OPHN1: variants seen among roughly 807,000 people sequenced by gnomAD.
The protein encoded by OPHN1 is oligophrenin 1.
OPHN1 carries 11 observed loss-of-function variants against 60.7 expected under a neutral mutation model. The observed-to-expected ratio is 0.18, with a 90% CI of 0.11 to 0.30. The LOEUF (loss-of-function observed/expected upper bound fraction) is 0.30. OPHN1 is among the 10% of genes least tolerant of loss of function. The pLI, the probability that OPHN1 is intolerant of heterozygous loss-of-function variation, is 1.00. For missense variants in OPHN1, 449 were observed against 611.0 expected (o/e 0.73, Z 2.80); for synonymous variants, 226 against 222.6 (o/e 1.02, Z -0.14).
At chrX:68,277,699 G>A (rs1334567014) in intron 4 of OPHN1, among the ~76,000 whole-genome samples, 3 of 111,556 alleles carry the variant, frequency 2.7e-5, no homozygotes, top group Non-Finnish European at 5.6e-5. Flanking sequence ...GCTGAGGCAG[G>A]AGAATCACTT....
intron 6 of OPHN1, among the ~76,000 whole-genome samples, chrX:68,224,361 C>T (rs765871334): frequency 2.5e-4 from 28 of 111,266 alleles, no homozygotes; most frequent in Non-Finnish European, 4.7e-4. Flanking sequence ...GAGTCAAAGA[C>T]GCAAAGAAAA....
intron 8 of OPHN1, among the ~76,000 whole-genome samples, chrX:68,211,850 C>T (rs1569244359): frequency 8.9e-6 from 1 of 111,912 alleles, no homozygotes; most frequent in Non-Finnish European, 1.9e-5. Flanking sequence ...ATTAGCAATA[C>T]TTAATAAATA....
At chrX:68,400,284 G>A (rs2078706973) in intron 2 of OPHN1, among the ~76,000 whole-genome samples, 1 of 111,304 alleles carries the variant, frequency 9.0e-6, no homozygotes, top group East Asian at 2.9e-4. Flanking sequence ...TTTGCAGGGC[G>A]TTTTGTCCAA....
At position 68,433,013 on chromosome X, in the gene OPHN1, T is replaced by G; in HGVS notation, c.8A>C (p.His3Pro). 8.3e-7 allele frequency: 1 copy of G among 1,204,962 alleles called. No homozygotes were observed. The highest frequency in any genetic ancestry group is 1.1e-6 in the Non-Finnish European group (1 of 891,918). Reference protein sequence around the residue: MGHPPLEFSDCYL... With the variant: MGPPPLEFSDCYL... ...GCAGTCGCTGAACTCCAGCGGGGGA[T>G]GACCCATGGTTCTGATGGCCGGGAG... is the stretch of plus-strand genomic sequence containing the variant. The change falls in exon 2 of 25, where the codon CAT (histidine) becomes CCT (proline). Residue 3 changes from histidine (H) to proline (P), a missense_variant. Physicochemically the swap from His to Pro is moderately conservative, Grantham distance 77 (BLOSUM62 -2). Transcript: ENST00000355520.
intron 19 of OPHN1, among the ~76,000 whole-genome samples, chrX:68,090,173 G>T (rs1263166383): frequency 9.1e-6 from 1 of 109,940 alleles, no homozygotes; most frequent in Non-Finnish European, 1.9e-5. Context: ...ATGTGAAGTA[G>T]AGTCTTGGCT....
chrX:68,083,470 G>T (rs1011592253), intron 19 of OPHN1, among the ~76,000 whole-genome samples: 8 of 112,030 alleles, frequency 7.1e-5, no homozygotes, highest in East Asian at 2.8e-4. Context: ...TTAGGCTTTG[G>T]CTTAAGGGAA....
At chrX:68,404,206 C>G (rs1331346391) in intron 2 of OPHN1, among the ~76,000 whole-genome samples, 3 of 107,297 alleles carry the variant, frequency 2.8e-5, no homozygotes, top group Non-Finnish European at 5.8e-5. Flanking sequence ...TGTCGCCAGT[C>G]TGGAGTGCAG....
At chrX:68,052,482 T>C in intron 23 of OPHN1, 58 bp downstream of exon 23, 1 of 1,018,194 alleles carries the variant, frequency 9.8e-7, no homozygotes. Context: ...AATTGTATGC[T>C]AAGGATGCAG....
At chrX:68,070,132 C>T (rs143483183) in intron 20 of OPHN1, among the ~76,000 whole-genome samples, 3,862 of 111,486 alleles carry the variant, frequency 0.035, 72 homozygotes, top group Non-Finnish European at 0.057. Context: ...AATTTCGTCT[C>T]CCTACCTACA....
chrX:68,227,745 C>T (rs1382380966), intron 6 of OPHN1, among the ~76,000 whole-genome samples: 2 of 111,036 alleles, frequency 1.8e-5, no homozygotes, highest in Non-Finnish European at 3.8e-5. Flanking sequence ...CTCTGGGACA[C>T]AGTTAGAGCA....
intron 18 of OPHN1, among the ~76,000 whole-genome samples, chrX:68,101,156 T>C (rs1254202015): frequency 1.8e-5 from 2 of 112,261 alleles, no homozygotes; most frequent in Non-Finnish European, 3.7e-5. Context: ...GTCATGAATT[T>C]CATCAGTCAT....
At chrX:68,174,126 T>A (rs1317959510) in intron 15 of OPHN1, among the ~76,000 whole-genome samples, 1 of 111,931 alleles carries the variant, frequency 8.9e-6, no homozygotes. Context: ...TTTCACTGTG[T>A]ATTAATTGTA....
At chrX:68,153,794 C>T (rs1752413523) in intron 15 of OPHN1, among the ~76,000 whole-genome samples, 1 of 111,743 alleles carries the variant, frequency 8.9e-6, no homozygotes, top group Non-Finnish European at 1.9e-5. Flanking sequence ...CAAGTATATG[C>T]TGAGACCCCG....
chrX:68,373,894 C>A (rs1234282709), intron 2 of OPHN1, among the ~76,000 whole-genome samples: 4 of 110,800 alleles, frequency 3.6e-5, no homozygotes, highest in African/African-American at 1.3e-4. Flanking sequence ...GGTGCTAGTA[C>A]AATTGGGGGA....
chrX:68,067,731 T>C (rs1042315969), intron 20 of OPHN1, among the ~76,000 whole-genome samples: 3 of 110,495 alleles, frequency 2.7e-5, no homozygotes, highest in African/African-American at 9.9e-5. Context: ...GGCTTAGTTA[T>C]GGAGGTGTGA....
chrX:68,151,411 A>T (rs2077284907), intron 15 of OPHN1, among the ~76,000 whole-genome samples: 1 of 112,068 alleles, frequency 8.9e-6, no homozygotes, highest in Non-Finnish European at 1.9e-5. Flanking sequence ...GCTGAAAGAC[A>T]TATCGAGACC....
intron 2 of OPHN1, among the ~76,000 whole-genome samples, chrX:68,410,533 C>A (rs1468371513): frequency 9.3e-6 from 1 of 107,966 alleles, no homozygotes; most frequent in East Asian, 2.9e-4. Context: ...CTGCACTCCA[C>A]CCTGGATGAC....
chrX:68,338,677 A>C (rs2078335730), intron 2 of OPHN1, among the ~76,000 whole-genome samples: 1 of 112,201 alleles, frequency 8.9e-6, no homozygotes, highest in South Asian at 3.6e-4. Context: ...TATTAAAACA[A>C]CACCTTCAAC....
chrX:68,125,824 C>T (rs758564715), intron 15 of OPHN1, among the ~76,000 whole-genome samples: 8 of 101,813 alleles, frequency 7.9e-5, no homozygotes, highest in Non-Finnish European at 6.0e-5. Context: ...TACTTCCAAA[C>T]TCACTCTACG....
Sources: allele counts gnomAD v4.1 joint callset (sites outside exome capture counted in the v4.1 genomes callset), GRCh38; gene constraint gnomAD v4.1.1; transcripts MANE v1.5; gene names NCBI Gene and HGNC (gene_info 2026-07-23, HGNC 2026-07-21).